PDE8B: variants seen among roughly 807,000 people sequenced by gnomAD.
PDE8B encodes phosphodiesterase 8B.
Under a neutral mutation model 101.3 loss-of-function variants are expected in PDE8B, and 26 were observed. The ratio of observed to expected loss-of-function variants is 0.26; its 90% confidence interval spans 0.19 to 0.36. The LOEUF (loss-of-function observed/expected upper bound fraction) is 0.36. Ranked by LOEUF, PDE8B falls within the 10% of genes least tolerant of loss-of-function variation. The probability of loss-of-function intolerance (pLI) is 1.00; values close to 1 mark genes in which losing one functional copy is unlikely to be tolerated. For missense variants in PDE8B, 810 were observed against 1,163.1 expected (o/e 0.70, Z 4.42); for synonymous variants, 424 against 429.3 (o/e 0.99, Z 0.15).
Position 77,419,821 on chromosome 5 carries a change from G to C in PDE8B, c.2184G>C (p.Glu728Asp). Reference sequence around the variant, plus strand: ...TTATTGACATGGTTTTGGCAACAGAGATGACAAAACACTTTGAACATGTGA... The same window carrying C: ...TTATTGACATGGTTTTGGCAACAGACATGACAAAACACTTTGAACATGTGA... ...QAIIDMVLATEMTKHFEHVNK... is the reference protein window; with the variant it reads ...QAIIDMVLATDMTKHFEHVNK... Residue 728 changes from glutamate (E) to aspartate (D), a missense_variant, in exon 19 of 22, where the codon GAG (glutamate) becomes GAC (aspartate). Around this residue, in one of 4 missense-constraint regions of PDE8B, gnomAD observed 325 missense variants for 560.9 expected, o/e 0.58. Coordinates refer to ENST00000264917, the MANE Select transcript of PDE8B (RefSeq NM_003719.5). The C allele has an allele frequency of 6.2e-7, 1 of 1,614,148 alleles. No individual in the cohort carries two copies.
At chr5:77,375,889 C>CTTTTTTTTTTTT (rs70988668) in intron 10 of PDE8B, among the ~76,000 whole-genome samples, 25 of 108,320 alleles carry the variant, frequency 2.3e-4, no homozygotes, top group African/African-American at 5.2e-4. Context: ...GCCTTGATTT[C>CTTTTTTTTTTTT]TTTTTTTTTT....
chr5:77,311,847 A>G, intron 1 of PDE8B, 147 bp from the exon 2 acceptor site: 1 of 779,508 alleles, frequency 1.3e-6, no homozygotes, highest in Non-Finnish European at 2.4e-6. Context: ...CATATACATC[A>G]TGCTTGGTAA....
the PDE8B span, among the ~76,000 whole-genome samples, chr5:77,108,683 A>G: frequency 5.3e-5 from 8 of 152,238 alleles, no homozygotes; most frequent in Non-Finnish European, 8.8e-5. Context: ...ACTCTGTCTC[A>G]AAATATACAT....
the PDE8B span, among the ~76,000 whole-genome samples, chr5:77,151,629 A>C: frequency 6.6e-6 from 1 of 152,196 alleles, no homozygotes; most frequent in Non-Finnish European, 1.5e-5. Context: ...TATCATGCTC[A>C]TTTTATACAT....
intron 7 of PDE8B, among the ~76,000 whole-genome samples, chr5:77,345,571 G>T (rs1192223850): frequency 6.6e-6 from 1 of 152,204 alleles, no homozygotes; most frequent in Non-Finnish European, 1.5e-5. Flanking sequence ...TATTTTCAAA[G>T]ACATTCATTT....
At chr5:77,296,968 C>T (rs1768722752) in intron 1 of PDE8B, among the ~76,000 whole-genome samples, 1 of 152,164 alleles carries the variant, frequency 6.6e-6, no homozygotes, top group South Asian at 2.1e-4. Context: ...GCTGGTGTCA[C>T]TCTCCCTGAG....
At chr5:77,386,127 C>T (rs1264209337) in intron 10 of PDE8B, among the ~76,000 whole-genome samples, 2 of 152,190 alleles carry the variant, frequency 1.3e-5, no homozygotes, top group South Asian at 2.1e-4. Flanking sequence ...TTTCATTGCA[C>T]TGTGGTCTGA....
chr5:77,302,079 G>T (rs910515345), intron 1 of PDE8B, among the ~76,000 whole-genome samples: 9 of 152,076 alleles, frequency 5.9e-5, no homozygotes, highest in Non-Finnish European at 1.3e-4. Flanking sequence ...ACATGACTAT[G>T]TTGTATAAAT....
the PDE8B span, among the ~76,000 whole-genome samples, chr5:77,187,261 G>A: frequency 6.6e-6 from 1 of 152,132 alleles, no homozygotes; most frequent in South Asian, 2.1e-4. Context: ...ATATTGATGA[G>A]GCAAATATTT....
At chr5:77,395,539 A>T (rs1172066846) in intron 10 of PDE8B, among the ~76,000 whole-genome samples, 1 of 151,252 alleles carries the variant, frequency 6.6e-6, no homozygotes, top group African/African-American at 2.4e-5. Context: ...AACTTTTAAA[A>T]TTTTCACCTC....
chr5:77,234,131 C>G (rs1274597281), intron 1 of PDE8B, among the ~76,000 whole-genome samples: 2 of 152,146 alleles, frequency 1.3e-5, no homozygotes, highest in Non-Finnish European at 2.9e-5. Flanking sequence ...GGTGATGTCC[C>G]TGCATTTCTG....
At chr5:77,253,163 T>C (rs903173604) in intron 1 of PDE8B, among the ~76,000 whole-genome samples, 3 of 152,320 alleles carry the variant, frequency 2.0e-5, no homozygotes, top group African/African-American at 4.8e-5. Context: ...ATTTGTACTT[T>C]AATACATGAA....
At chr5:77,284,604 C>T (rs1283829960) in intron 1 of PDE8B, among the ~76,000 whole-genome samples, 1 of 152,152 alleles carries the variant, frequency 6.6e-6, no homozygotes, top group Admixed American at 6.5e-5. Flanking sequence ...AGCAATAGAA[C>T]CAGTACTTCA....
intron 10 of PDE8B, among the ~76,000 whole-genome samples, chr5:77,397,815 G>A (rs1388479749): frequency 5.9e-5 from 9 of 151,994 alleles, no homozygotes; most frequent in Admixed American, 5.2e-4. Context: ...AACTGCTGTC[G>A]GCCACCTCTA....
intron 1 of PDE8B, among the ~76,000 whole-genome samples, chr5:77,217,387 G>A (rs539126749): frequency 6.6e-5 from 10 of 151,888 alleles, no homozygotes; most frequent in African/African-American, 2.4e-4. Context: ...ATTTTGCTAT[G>A]TGCTTGTAAG....
intron 1 of PDE8B, among the ~76,000 whole-genome samples, chr5:77,231,806 C>T (rs1417430781): frequency 3.3e-5 from 5 of 152,230 alleles, no homozygotes; most frequent in Non-Finnish European, 7.3e-5. Flanking sequence ...TGAGGGGCCC[C>T]TGGCATAAGC....
the PDE8B span, among the ~76,000 whole-genome samples, chr5:77,136,127 T>C: frequency 6.6e-6 from 1 of 152,186 alleles, no homozygotes. Flanking sequence ...TTCCAAGAGC[T>C]CTTTCTTATT....
At chr5:77,400,754 C>T (rs920464968) in intron 11 of PDE8B, among the ~76,000 whole-genome samples, 3 of 152,174 alleles carry the variant, frequency 2.0e-5, no homozygotes, top group Admixed American at 2.0e-4. Flanking sequence ...GTTTCCTACT[C>T]GCTCATTTCA....
At chr5:77,389,574 C>A (rs1338618796) in intron 10 of PDE8B, among the ~76,000 whole-genome samples, 1 of 152,146 alleles carries the variant, frequency 6.6e-6, no homozygotes, top group Non-Finnish European at 1.5e-5. Context: ...ATACTGGAAC[C>A]TTATCCCCAT....
Sources: allele counts gnomAD v4.1 joint callset (sites outside exome capture counted in the v4.1 genomes callset), GRCh38; gene constraint gnomAD v4.1.1; regional missense constraint gnomAD v4.1.1; transcripts MANE v1.5; gene names NCBI Gene and HGNC (gene_info 2026-07-23, HGNC 2026-07-21).